RALB: variants seen among roughly 807,000 people sequenced by gnomAD.
The protein encoded by RALB is ras-related protein Ral-B.
In RALB, 16 loss-of-function variants were observed where a neutral mutation model predicts 21.3. The observed-to-expected ratio is 0.75, with a 90% CI of 0.51 to 1.14. The LOEUF is 1.14. Ranked by LOEUF, RALB falls within the 50% of genes most tolerant of loss-of-function variation. The pLI is 0.00. For synonymous variants in RALB, 93 were observed against 96.1 expected (o/e 0.97, Z 0.19); for missense variants, 161 against 256.2 (o/e 0.63, Z 2.54).
intron 1 of RALB, 45 bp downstream of exon 1, chr2:120,253,025 G>C (rs1425003354): frequency 1.0e-6 from 1 of 967,580 alleles, no homozygotes; most frequent in African/African-American, 1.8e-5. Flanking sequence ...TGGGGCGCGG[G>C]CTGGGGAGTG....
chr2:120,271,941 C>G (rs13412677), intron 1 of RALB, among the ~76,000 whole-genome samples: 105,952 of 152,168 alleles, frequency 0.7, 37,491 homozygotes, highest in Middle Eastern at 0.81. Context: ...GAACAAACTT[C>G]AGTCAAACAA....
chr2:120,288,595 A>G (rs917646609), intron 3 of RALB, among the ~76,000 whole-genome samples: 5 of 152,202 alleles, frequency 3.3e-5, no homozygotes, highest in Admixed American at 2.6e-4. Flanking sequence ...GGCATATAAA[A>G]GTAGAAATAT....
At chr2:120,285,270 G>GC (rs11440558) in intron 2 of RALB, among the ~76,000 whole-genome samples, 2,643 of 152,124 alleles carry the variant, frequency 0.017, 83 homozygotes, top group African/African-American at 0.061. Context: ...TAGGGGTACC[G>GC]CCCCCATGAT....
In RALB at chr2:120,247,738, C is replaced by A. The variant is rs137884189; in HGVS notation, c.19+7613C>A. Among the ~76,000 whole-genome samples the A allele has an allele frequency of 1.4e-4, 21 of 152,360 alleles. No individual in the cohort carries two copies. In the East Asian group the frequency reaches 4.1e-3, roughly 29 times the overall value. ...GCAAGGAAAGGAAGGCTCAGGGCTA[C>A]TGCTTAGGCGCTCCACGAGGGTTCC... On this transcript the variant is annotated intron_variant, in intron 1 of 3. Transcript: ENST00000447591.
chr2:120,280,750 A>G (rs1179567473), intron 2 of RALB: 1 of 287,462 alleles, frequency 3.5e-6, no homozygotes, highest in Admixed American at 5.2e-5. Context: ...TGAAGCTGAA[A>G]GAACCTCTTC....
intron 3 of RALB, among the ~76,000 whole-genome samples, chr2:120,288,937 T>C (rs1409518079): frequency 6.6e-6 from 1 of 152,188 alleles, no homozygotes; most frequent in Non-Finnish European, 1.5e-5. Flanking sequence ...CACATGCAGA[T>C]CTAATCAAAA....
intron 2 of RALB, among the ~76,000 whole-genome samples, chr2:120,279,837 T>G (rs775398869): frequency 1.1e-4 from 16 of 152,206 alleles, no homozygotes; most frequent in Non-Finnish European, 1.9e-4. Flanking sequence ...TTCACTAGAC[T>G]TTCCCATTGT....
rs185933102 is a variant in RALB at position 120,273,123 on chromosome 2, C to T, written c.-47-5495C>T. On this transcript the variant is annotated intron_variant, in intron 1 of 4. Coordinates refer to ENST00000272519, the MANE Select transcript of RALB (RefSeq NM_002881.3). ...TGCAGTAAAGAGAGTTCAGTGGACT[C>T]GAGGCTGGCCACATGGGAGAACTGG... 2.7e-3 allele frequency among the ~76,000 whole-genome samples: 411 copies of T among 152,228 alleles called. 1 individual carries two copies. The highest frequency in any genetic ancestry group is 4.5e-3 in the Non-Finnish European group (306 of 68,018).
Position 120,294,124 on chromosome 2 carries a change from T to C in RALB, c.*864T>C. ...TCCCTCTCCACTAGTGGTGAATGCATGTGTCTGTCTGATCAGCATCACTGC... is the reference window on the plus strand; with the variant it reads ...TCCCTCTCCACTAGTGGTGAATGCACGTGTCTGTCTGATCAGCATCACTGC... On this transcript the variant is annotated 3_prime_UTR_variant, in exon 5 of 5. Coordinates refer to ENST00000272519, the MANE Select transcript of RALB (RefSeq NM_002881.3). 1 of 398,616 alleles carries C rather than the reference T, an allele frequency of 2.5e-6. No homozygotes were observed. The highest frequency in any genetic ancestry group is 3.6e-5 in the East Asian group (1 of 28,080). The allele number at this position is 398,616 out of a possible 1,614,324, so 24.7% of individuals were successfully genotyped here. A position where few individuals can be genotyped will look rare whatever the true frequency, so the allele number is the denominator to read the frequency against.
intron 2 of RALB, among the ~76,000 whole-genome samples, chr2:120,282,822 G>T (rs529125382): frequency 6.6e-6 from 1 of 152,232 alleles, no homozygotes; most frequent in East Asian, 1.9e-4. Flanking sequence ...TTCTAAAACG[G>T]TGCTAATAGA....
chr2:120,285,750 G>A (rs1477559297), intron 2 of RALB, 124 bp from the exon 3 acceptor site: 12 of 736,220 alleles, frequency 1.6e-5, no homozygotes, highest in Non-Finnish European at 2.3e-5. Context: ...GAAGTGTTAC[G>A]TAAAATGTTG....
At chr2:120,264,396 T>C (rs1360686352) in intron 1 of RALB, among the ~76,000 whole-genome samples, 1 of 151,916 alleles carries the variant, frequency 6.6e-6, no homozygotes, top group Non-Finnish European at 1.5e-5. Flanking sequence ...AAGTGATCCA[T>C]CCACCTCCGC....
chr2:120,260,093 C>A (rs1320178058), intron 1 of RALB, among the ~76,000 whole-genome samples: 1 of 152,238 alleles, frequency 6.6e-6, no homozygotes, highest in Non-Finnish European at 1.5e-5. Flanking sequence ...AGCTGGCCCG[C>A]AAGTGCCGCA....
chr2:120,288,861 T>C (rs983231767), intron 3 of RALB, among the ~76,000 whole-genome samples: 1 of 152,220 alleles, frequency 6.6e-6, no homozygotes. Flanking sequence ...CTGTCTCGAT[T>C]CTGTGGCCTA....
At chr2:120,273,102 G>T (rs1318781218) in intron 1 of RALB, among the ~76,000 whole-genome samples, 1 of 152,206 alleles carries the variant, frequency 6.6e-6, no homozygotes, top group Non-Finnish European at 1.5e-5. Context: ...TGGTATTGCA[G>T]TAAAGAGAGT....
chr2:120,246,619 G>A (rs944545244), intron 1 of RALB, among the ~76,000 whole-genome samples: 1 of 152,220 alleles, frequency 6.6e-6, no homozygotes, highest in Non-Finnish European at 1.5e-5. Flanking sequence ...AGCGTCATGT[G>A]CATCTGCAGA....
At chr2:120,243,475 C>T (rs1013818412) in intron 1 of RALB, among the ~76,000 whole-genome samples, 15 of 152,334 alleles carry the variant, frequency 9.8e-5, no homozygotes, top group Middle Eastern at 6.8e-3. Flanking sequence ...TCCCTCCATC[C>T]TCCTGGTGCA....
intron 2 of RALB, 76 bp downstream of exon 2, chr2:120,278,854 C>A: frequency 1.5e-6 from 2 of 1,332,022 alleles, no homozygotes; most frequent in Non-Finnish European, 9.9e-7. Context: ...TGTTTCTGTG[C>A]CGGTCCTCCC....
Position 120,293,380 on chromosome 2 carries a change from ACTT to A in RALB, c.*124_*126del, listed in dbSNP as rs200042107. 2,572 of 1,125,124 alleles carry A rather than the reference ACTT, an allele frequency of 2.3e-3. 52 individuals carry two copies. The African/African-American group carries it at 0.039, about 17-fold the overall frequency. 69.7% of individuals were successfully genotyped at this position (1,125,124 alleles called of 1,614,324 possible). On this transcript the variant is annotated 3_prime_UTR_variant, in exon 5 of 5. Coordinates refer to ENST00000272519, the MANE Select transcript of RALB (RefSeq NM_002881.3). The stretch of plus-strand genomic sequence containing the variant: ...ACTCTCCCCGACTTCATTCACTCAA[ACTT>A]CTTTAAATGGGGAAAAATATTTGTG...
Sources: gnomAD v4.1 joint callset for allele counts (sites outside exome capture counted in the v4.1 genomes callset) on GRCh38, gnomAD v4.1.1 for gene constraint, MANE v1.5 for transcripts, NCBI Gene and HGNC (gene_info 2026-07-23, HGNC 2026-07-21) for gene names.